ABCC8: variants seen among roughly 807,000 people sequenced by gnomAD.
ABCC8 encodes ATP binding cassette subfamily C member 8, also known as ATP-binding cassette sub-family C member 8.
In ABCC8, 137 loss-of-function variants were observed where a neutral mutation model predicts 188.0. The observed-to-expected ratio is 0.73, with a 90% CI of 0.63 to 0.84. The LOEUF (loss-of-function observed/expected upper bound fraction) is 0.84, where lower values mean the gene tolerates loss of function less well. Among genes scored for constraint, ABCC8 ranks in the 40% least tolerant of loss-of-function variants. The pLI is 0.00. For synonymous variants in ABCC8, 797 were observed against 846.5 expected, an observed-to-expected ratio of 0.94 and a Z score of 1.01; for missense variants, 1,750 against 2,072.7, an observed-to-expected ratio of 0.84 and a Z score of 3.02.
intron 21 of ABCC8, among the ~76,000 whole-genome samples, chr11:17,411,088 C>T (rs923601495): frequency 2.0e-5 from 3 of 152,198 alleles, no homozygotes; most frequent in Admixed American, 1.3e-4. Context: ...TGCTGCTCTG[C>T]CTTTTGTCTG....
chr11:17,395,529 AC>A, intron 35 of ABCC8, 80 bp downstream of exon 35: 1 of 1,520,786 alleles, frequency 6.6e-7, no homozygotes, highest in South Asian at 1.2e-5. Flanking sequence ...GTCTCCCCCA[AC>A]CCCCTCCTCT....
chr11:17,437,576 G>T (rs57078156), intron 10 of ABCC8, among the ~76,000 whole-genome samples: 1 of 152,242 alleles, frequency 6.6e-6, no homozygotes, highest in African/African-American at 2.4e-5. Flanking sequence ...TTCCCATTCA[G>T]TCCAATAGTC....
At chr11:17,432,461 G>C in intron 10 of ABCC8, 1 of 989,558 alleles carries the variant, frequency 1.0e-6, no homozygotes, top group Non-Finnish European at 1.4e-6. Context: ...CCCCGACTCT[G>C]GGGCTTAAAC....
rs1339123638 is a variant in ABCC8, at chr11:17,406,885, C to T, written c.3162+3G>A. ...AACCTCTGCCATGGGCCGCCAGTCA[C>T]ACCTGGCTGAGGGAGCAGTTCCTGG... is the stretch of plus-strand genomic sequence containing the variant. On this transcript the variant is annotated splice_donor_region_variant and intron_variant, in intron 25 of 38. Coordinates refer to ENST00000389817, the MANE Select transcript of ABCC8 (RefSeq NM_000352.6). 2 of 1,614,030 alleles carry T rather than the reference C, an allele frequency of 1.2e-6. No individual in the cohort carries two copies. The highest frequency in any genetic ancestry group is 2.2e-5 in the East Asian group (1 of 44,888).
At chr11:17,457,758 G>A (rs904858673) in intron 6 of ABCC8, among the ~76,000 whole-genome samples, 6 of 152,192 alleles carry the variant, frequency 3.9e-5, no homozygotes, top group African/African-American at 1.2e-4. Context: ...AGAAATGTTC[G>A]TCCTTGCGGA....
intron 29 of ABCC8, among the ~76,000 whole-genome samples, chr11:17,401,393 C>T (rs1591727355): frequency 6.6e-6 from 1 of 152,296 alleles, no homozygotes; most frequent in Non-Finnish European, 1.5e-5. Flanking sequence ...CAGAGCTTTG[C>T]TCTGCTCTTC....
intron 3 of ABCC8, 62 bp from the exon 4 acceptor site, chr11:17,463,666 A>T (rs1847970534): frequency 6.5e-7 from 1 of 1,548,352 alleles, no homozygotes; most frequent in Admixed American, 2.0e-5. Context: ...CACTCACATA[A>T]TGTGTGCAAG....
intron 11 of ABCC8, among the ~76,000 whole-genome samples, chr11:17,431,589 G>T (rs1022291998): frequency 3.3e-5 from 5 of 152,244 alleles, no homozygotes; most frequent in Non-Finnish European, 5.9e-5. Context: ...CTGCAGGCTC[G>T]TAGGGGCCCA....
At chr11:17,458,161 C>T (rs1957063402) in intron 6 of ABCC8, among the ~76,000 whole-genome samples, 1 of 152,146 alleles carries the variant, frequency 6.6e-6, no homozygotes, top group African/African-American at 2.4e-5. Context: ...ACTTTCAACT[C>T]TTGTTTCTGT....
chr11:17,444,080 C>T (rs938884786), intron 8 of ABCC8, among the ~76,000 whole-genome samples: 1 of 152,174 alleles, frequency 6.6e-6, no homozygotes, highest in South Asian at 2.1e-4. Context: ...GAGCCCTACA[C>T]CAGATTGGCA....
At position 17,427,320 on chromosome 11, in the gene ABCC8, G is replaced by A; in HGVS notation, c.2117-166C>T. 1.1e-6 allele frequency: 1 copy of A among 875,720 alleles called. No individual in the cohort carries two copies. The highest frequency in any genetic ancestry group is 1.4e-6 in the Non-Finnish European group (1 of 730,068). The allele number at this position is 875,720 out of a possible 1,614,324, so 54.2% of individuals were successfully genotyped here. On this transcript the variant is annotated intron_variant, in intron 15 of 38. Coordinates refer to ENST00000389817, the MANE Select transcript of ABCC8 (RefSeq NM_000352.6). This position sits in a 1 kb window ranked among gnomAD's most constrained non-coding sequence, Gnocchi z 5.0. ...CTCCCTCTTTAATCCTTTCCTTCTG[G>A]AAATCAACATCCTCCTCTGGCTCCC...
chr11:17,402,622 C>T (rs1330609654), intron 29 of ABCC8, 39 bp downstream of exon 29: 1 of 1,614,196 alleles, frequency 6.2e-7, no homozygotes, highest in South Asian at 1.1e-5. Flanking sequence ...TGGCCCCACC[C>T]CTGTTCCACT....
chr11:17,430,830 C>T lies in ABCC8; in HGVS notation c.1801G>A (p.Val601Ile), dbSNP rs1955813180. ...TCCCCTCACCTCACTAGAGCTTTGACGGTAGATCGGACCACACTGGACAGC... is the reference window on the plus strand; with the variant it reads ...TCCCCTCACCTCACTAGAGCTTTGATGGTAGATCGGACCACACTGGACAGC... ...FLLSSVVRSTVKALVSVQKLS... is the reference protein window; with the variant it reads ...FLLSSVVRSTIKALVSVQKLS... The change falls in exon 12 of 39, where the codon GTC becomes ATC. Residue 601 changes from valine to isoleucine, a missense_variant. Coordinates refer to ENST00000389817, the MANE Select transcript of ABCC8 (RefSeq NM_000352.6). 5.6e-6 allele frequency: 9 copies of T among 1,614,038 alleles called. No individual in the cohort carries two copies. The highest frequency in any genetic ancestry group is 1.7e-5 in the Admixed American group (1 of 60,010).
In ABCC8 at chr11:17,460,458, G is replaced by A. The variant is rs771014249; in HGVS notation, c.1011+30C>T. 9.3e-6 allele frequency: 15 copies of A among 1,613,896 alleles called. No homozygotes were observed. The Admixed American group carries it at 2.5e-4, about 27-fold the overall frequency. On this transcript the variant is annotated intron_variant, in intron 6 of 38. Transcript: ENST00000389817. ...GAAACAACTGAAAACCATCTAGAGGGTGCCTTACCCTACCCCTGGGGCTGC... is the reference window on the plus strand; with the variant it reads ...GAAACAACTGAAAACCATCTAGAGGATGCCTTACCCTACCCCTGGGGCTGC...
intron 38 of ABCC8, 124 bp from the exon 39 acceptor site, chr11:17,393,252 G>A: frequency 7.4e-7 from 1 of 1,349,604 alleles, no homozygotes; most frequent in Non-Finnish European, 1.0e-6. Context: ...AGAATGTCCT[G>A]TCACTGTGGG....
At chr11:17,453,361 T>C in intron 6 of ABCC8, 78 bp from the exon 7 acceptor site, 1 of 1,580,524 alleles carries the variant, frequency 6.3e-7, no homozygotes, top group Non-Finnish European at 8.6e-7. Context: ...TGTGCCATAA[T>C]GGACCACGGC....
rs982486669 is a variant in ABCC8 at position 17,476,804 on chromosome 11, G to C, written c.-28C>G. 2 of 1,505,952 alleles carry C rather than the reference G, an allele frequency of 1.3e-6. No individual in the cohort carries two copies. Among genetic ancestry groups the C allele is most frequent in the Non-Finnish European group, 1.8e-6 (2 of 1,128,054 alleles). 93.3% of individuals were successfully genotyped at this position (1,505,952 alleles called of 1,614,324 possible). ...CGGCGCGGGCGCGGGCTGGGCTCGG[G>C]CTCAGCTGGCTCCGCTGGCTCCGCG... On this transcript the variant is annotated 5_prime_UTR_variant, in exon 1 of 39. Coordinates refer to ENST00000389817, the MANE Select transcript of ABCC8 (RefSeq NM_000352.6).
At chr11:17,399,293 A>AC (rs1190468617) in intron 29 of ABCC8, among the ~76,000 whole-genome samples, 4,676 of 134,976 alleles carry the variant, frequency 0.035, 530 homozygotes, top group African/African-American at 0.16. Flanking sequence ...AAAAAAAAAA[A>AC]AAAAAAAAAA....
chr11:17,397,496 AC>A (rs1954001220), intron 31 of ABCC8, 183 bp from the exon 32 acceptor site: 2 of 1,406,464 alleles, frequency 1.4e-6, no homozygotes, highest in South Asian at 1.3e-5. Context: ...TGGCTCCCCA[AC>A]CTCCACCTGT....
Sources: gnomAD v4.1 joint callset for allele counts (sites outside exome capture counted in the v4.1 genomes callset) on GRCh38, gnomAD v4.1.1 for gene constraint, Gnocchi (gnomAD v3.1) non-coding constraint, MANE v1.5 for transcripts, NCBI Gene and HGNC (gene_info 2026-07-23, HGNC 2026-07-21) for gene names.